OTOA: variants seen among roughly 807,000 people sequenced by gnomAD.
OTOA encodes otoancorin.
Under a neutral mutation model 110.8 loss-of-function variants are expected in OTOA, and 70 were observed. The ratio of observed to expected loss-of-function variants is 0.63; its 90% CI spans 0.52 to 0.77. OTOA has a LOEUF of 0.77. Among genes scored for constraint, OTOA ranks in the 30% least tolerant of loss-of-function variants. OTOA has a pLI of 0.00. For synonymous variants in OTOA, 373 were observed against 431.5 expected, an observed-to-expected ratio of 0.86 and a Z score of 1.68; for missense variants, 917 against 1,075.8, an observed-to-expected ratio of 0.85 and a Z score of 2.06.
chr16:21,751,706 G>A (rs1186692420), intron 24 of OTOA, among the ~76,000 whole-genome samples: 1 of 116,430 alleles, frequency 8.6e-6, no homozygotes, highest in African/African-American at 2.8e-5. Flanking sequence ...GGATGTAAGA[G>A]ATTCATTGCC....
At chr16:21,666,665 G>C (rs558339792) in intron 1 of OTOA, among the ~76,000 whole-genome samples, 2 of 152,206 alleles carry the variant, frequency 1.3e-5, no homozygotes, top group African/African-American at 4.8e-5. Context: ...TCACCACAGG[G>C]ATCCTTGCCT....
intron 27 of OTOA, among the ~76,000 whole-genome samples, chr16:21,756,754 A>G (rs1292590930): frequency 1.3e-5 from 2 of 151,730 alleles, no homozygotes; most frequent in African/African-American, 4.9e-5. Context: ...CCAAGAGGCC[A>G]GGGGTTCAGA....
In OTOA at chr16:21,685,268, G is replaced by T; in HGVS notation, c.306G>T (p.Gln102His). The T allele has an allele frequency of 6.2e-7, 1 of 1,613,122 alleles. No homozygotes were observed. Among genetic ancestry groups the T allele is most frequent in the African/African-American group, 1.3e-5 (1 of 75,018 alleles). ...VENHLEQRLH[Q>H]PQKLLEDLRK... is the part of the protein sequence containing the mutation. ...ACCACCTGGAGCAGCGTCTGCACCA[G>T]CCCCAGAAGCTGCTGGAGGACCTGA... The change falls in exon 7 of 29, where the codon CAG (glutamine) becomes CAT (histidine). Residue 102 changes from glutamine to histidine, a missense_variant. By Grantham distance (24) the Gln-to-His change is conservative. Around this residue, in one of 6 missense-constraint regions of OTOA, gnomAD observed 840 missense variants for 910.2 expected, o/e 0.92. Coordinates refer to ENST00000646100, the MANE Select transcript of OTOA (RefSeq NM_144672.4).
At chr16:21,671,586 C>CAAAAAAAAAAAAA (rs369010025) in intron 1 of OTOA, among the ~76,000 whole-genome samples, 1 of 78,504 alleles carries the variant, frequency 1.3e-5, no homozygotes. Flanking sequence ...GACTCCATAT[C>CAAAAAAAAAAAAA]AAAAAAAAAA....
intron 9 of OTOA, 47 bp downstream of exon 9, chr16:21,691,734 C>A: frequency 6.7e-7 from 1 of 1,482,080 alleles, no homozygotes; most frequent in Non-Finnish European, 9.4e-7. Flanking sequence ...GGAAGAATAT[C>A]TTCAGAAGAG....
At chr16:21,670,548 TC>T (rs1966847706) in intron 1 of OTOA, among the ~76,000 whole-genome samples, 1 of 152,094 alleles carries the variant, frequency 6.6e-6, no homozygotes, top group South Asian at 2.1e-4. Context: ...CACTCATCAC[TC>T]CCTGACATAA....
chr16:21,671,103 C>T (rs1339597529), intron 1 of OTOA, among the ~76,000 whole-genome samples: 3 of 152,118 alleles, frequency 2.0e-5, no homozygotes, highest in East Asian at 1.9e-4. Context: ...AAAACAGCAT[C>T]TGTTTGAAAA....
intron 10 of OTOA, among the ~76,000 whole-genome samples, chr16:21,698,263 A>T (rs1897984549): frequency 6.6e-6 from 1 of 152,240 alleles, no homozygotes; most frequent in Non-Finnish European, 1.5e-5. Context: ...AAGCAAAAGC[A>T]AAATGGATTA....
At chr16:21,667,465 T>C (rs215896) in intron 1 of OTOA, among the ~76,000 whole-genome samples, 31,337 of 151,944 alleles carry the variant, frequency 0.21, 4,164 homozygotes, top group Non-Finnish European at 0.3. Flanking sequence ...CCATCCTGGC[T>C]AACACGGCGA....
intron 17 of OTOA, chr16:21,721,250 C>T: frequency 4.5e-6 from 2 of 446,606 alleles, no homozygotes; most frequent in South Asian, 1.6e-5. Flanking sequence ...CACACACACA[C>T]ACACACACAC....
At chr16:21,758,901 C>T (rs1330241549) in intron 28 of OTOA, among the ~76,000 whole-genome samples, 1 of 151,654 alleles carries the variant, frequency 6.6e-6, no homozygotes, top group Non-Finnish European at 1.5e-5. Context: ...ATTCGGGAGG[C>T]TAAGGCAGGA....
rs778891929 is a variant in OTOA at position 21,716,901 on chromosome 16, T to C, written c.1489-6T>C. 2.5e-6 allele frequency: 4 copies of C among 1,613,806 alleles called. No homozygotes were observed. In the Admixed American group the frequency reaches 6.7e-5, roughly 27 times the overall value. On this transcript the variant is annotated splice_region_variant and splice_polypyrimidine_tract_variant and intron_variant, in intron 14 of 28. Transcript: ENST00000646100. ...ATGTTGTTTTGTTGCTTCTCGCTTC[T>C]GGCAGATGGTCCAAGCGGAAGACAC...
In OTOA at chr16:21,736,368, C is replaced by T; in HGVS notation, c.2409C>T (p.Ile803=). 6.2e-7 allele frequency: 1 copy of T among 1,614,126 alleles called. No individual in the cohort carries two copies. The highest frequency in any genetic ancestry group is 8.5e-7 in the Non-Finnish European group (1 of 1,180,014). The part of the protein sequence containing the change: ...FQSVRNSSDK[I]PSYDPMPGCH... ...CTGTTCGGAACAGCAGTGATAAGAT[C>T]CCCAGCTATGACCCTATGCCTGGTG... Residue 803 remains isoleucine (I), a synonymous_variant, in exon 22 of 29, where the codon ATC becomes ATT. Coordinates refer to ENST00000646100, the MANE Select transcript of OTOA (RefSeq NM_144672.4).
chr16:21,731,818 C>T (rs1445122049), intron 21 of OTOA, among the ~76,000 whole-genome samples: 3 of 152,220 alleles, frequency 2.0e-5, no homozygotes, highest in Admixed American at 2.0e-4. Context: ...TGCACATGGT[C>T]ACACATGCTC....
At chr16:21,703,546 T>C (rs1298855079) in intron 11 of OTOA, among the ~76,000 whole-genome samples, 2 of 152,168 alleles carry the variant, frequency 1.3e-5, no homozygotes, top group South Asian at 2.1e-4. Context: ...ACACTTAGGA[T>C]GATTCCATGT....
Position 21,753,004 on chromosome 16 carries a change from C to T in OTOA, c.3056-23C>T, listed in dbSNP as rs201448090. 0.23 allele frequency: 165,311 copies of T among 708,380 alleles called. 14,983 individuals are homozygous for T. The highest frequency in any genetic ancestry group is 0.25 in the Non-Finnish European group (98,017 of 384,398). 43.9% of individuals were successfully genotyped at this position (708,380 alleles called of 1,614,324 possible). On this transcript the variant is annotated intron_variant, in intron 26 of 28. Transcript: ENST00000646100. Reference sequence around the variant, plus strand: ...AGTTCTGATGGCTTGAACTAAACCCCCGTGATTCCTTTTTCTCCCCAGCTG... The same window carrying T: ...AGTTCTGATGGCTTGAACTAAACCCTCGTGATTCCTTTTTCTCCCCAGCTG...
chr16:21,736,021 G>A (rs1899283688), intron 21 of OTOA, among the ~76,000 whole-genome samples: 1 of 152,106 alleles, frequency 6.6e-6, no homozygotes, highest in African/African-American at 2.4e-5. Context: ...ACAATCTGAT[G>A]GGTGAAAAGT....
In OTOA at chr16:21,732,366, G is replaced by A. The variant is rs1281406249; in HGVS notation, c.2301+1436G>A. On this transcript the variant is annotated intron_variant, in intron 21 of 28. Transcript: ENST00000646100. ...TTTTATTTTTCCATAAGGTATTGGGGTACAGGTGGTGTTTGGTTACATGAG... is the reference window on the plus strand; with the variant it reads ...TTTTATTTTTCCATAAGGTATTGGGATACAGGTGGTGTTTGGTTACATGAG... Among the ~76,000 whole-genome samples the A allele has an allele frequency of 1.2e-4, 18 of 152,178 alleles. No individual in the cohort carries two copies. In the East Asian group the frequency reaches 2.3e-3, roughly 20 times the overall value.
intron 1 of OTOA, among the ~76,000 whole-genome samples, chr16:21,675,827 T>A (rs1423393590): frequency 6.6e-6 from 1 of 152,172 alleles, no homozygotes; most frequent in East Asian, 1.9e-4. Flanking sequence ...ATTAATTGGA[T>A]CTTCTGTGTC....
Sources: allele counts gnomAD v4.1 joint callset (sites outside exome capture counted in the v4.1 genomes callset), GRCh38; gene constraint gnomAD v4.1.1; regional missense constraint gnomAD v4.1.1; transcripts MANE v1.5; gene names NCBI Gene and HGNC (gene_info 2026-07-23, HGNC 2026-07-21).